PAK5: variants seen among roughly 807,000 people sequenced by gnomAD.
PAK5 encodes serine/threonine-protein kinase PAK 5.
A neutral mutation model predicts 65.9 loss-of-function variants in PAK5; 16 were observed. The observed-to-expected ratio is 0.24, with a 90% CI of 0.16 to 0.37. The LOEUF (loss-of-function observed/expected upper bound fraction) is 0.37. Among genes scored for constraint, PAK5 ranks in the 10% least tolerant of loss-of-function variants. The pLI, the probability that PAK5 is intolerant of heterozygous loss-of-function variation, is 1.00. For synonymous variants in PAK5, 371 were observed against 354.9 expected (o/e 1.05, Z -0.51); for missense variants, 785 against 903.9 (o/e 0.87, Z 1.69).
chr20:9,664,276 C>T (rs1030237252), intron 2 of PAK5, among the ~76,000 whole-genome samples: 20 of 152,152 alleles, frequency 1.3e-4, no homozygotes, highest in African/African-American at 4.6e-4. Context: ...CTCAGCATTT[C>T]CTTTTCTCCC....
intron 3 of PAK5, among the ~76,000 whole-genome samples, chr20:9,589,830 C>G (rs1340662878): frequency 1.3e-5 from 2 of 152,034 alleles, no homozygotes; most frequent in African/African-American, 2.4e-5. Flanking sequence ...ACCACCATGA[C>G]CAGTTAGTTT....
chr20:9,755,967 T>C (rs2048629023), intron 1 of PAK5, among the ~76,000 whole-genome samples: 1 of 152,210 alleles, frequency 6.6e-6, no homozygotes, highest in Non-Finnish European at 1.5e-5. Context: ...ACTGTCTGCC[T>C]TCCCCATCAC....
intron 3 of PAK5, among the ~76,000 whole-genome samples, chr20:9,634,429 G>A (rs1375228026): frequency 2.0e-5 from 3 of 152,318 alleles, no homozygotes; most frequent in African/African-American, 7.2e-5. Context: ...GGCCATGTGA[G>A]CTTAAGTTTG....
chr20:9,603,095 C>A (rs956418293), intron 3 of PAK5, among the ~76,000 whole-genome samples: 2 of 152,186 alleles, frequency 1.3e-5, no homozygotes, highest in Admixed American at 6.5e-5. Flanking sequence ...TCACAAAGTG[C>A]AGCAAGCTGG....
At chr20:9,813,026 C>A (rs1261340769) in intron 1 of PAK5, among the ~76,000 whole-genome samples, 2 of 151,974 alleles carry the variant, frequency 1.3e-5, no homozygotes, top group Non-Finnish European at 2.9e-5. Context: ...TATAGTATAA[C>A]CATACAATGG....
chr20:9,699,734 T>C (rs2047915638), intron 2 of PAK5, among the ~76,000 whole-genome samples: 1 of 151,928 alleles, frequency 6.6e-6, no homozygotes, highest in East Asian at 1.9e-4. Flanking sequence ...AGTGGGAACC[T>C]GGAGGACTTG....
intron 4 of PAK5, among the ~76,000 whole-genome samples, chr20:9,576,371 T>A (rs1433094550): frequency 6.6e-6 from 1 of 152,176 alleles, no homozygotes; most frequent in African/African-American, 2.4e-5. Context: ...TTTGCCCTCT[T>A]CTGCCTGCAG....
chr20:9,717,839 C>CA (rs1209708203), intron 1 of PAK5, among the ~76,000 whole-genome samples: 2 of 152,162 alleles, frequency 1.3e-5, no homozygotes, highest in Non-Finnish European at 2.9e-5. Context: ...AGGCTGGTCT[C>CA]AAACTCCTGA....
intron 3 of PAK5, among the ~76,000 whole-genome samples, chr20:9,589,938 C>T (rs1185532663): frequency 2.6e-5 from 4 of 152,096 alleles, no homozygotes; most frequent in Admixed American, 2.6e-4. Flanking sequence ...TCTTTCTATT[C>T]TAAGACTTAA....
intron 1 of PAK5, among the ~76,000 whole-genome samples, chr20:9,834,576 C>A (rs973677895): frequency 4.6e-5 from 7 of 151,866 alleles, no homozygotes; most frequent in African/African-American, 7.3e-5. Context: ...GTGCAGATAC[C>A]TTTTTCCCCA....
chr20:9,752,469 G>C (rs920205274), intron 1 of PAK5, among the ~76,000 whole-genome samples: 11 of 152,108 alleles, frequency 7.2e-5, no homozygotes, highest in African/African-American at 2.7e-4. Flanking sequence ...GAGTTACTGT[G>C]GTCTACCAGG....
intron 6 of PAK5, among the ~76,000 whole-genome samples, chr20:9,559,712 G>A (rs1258594811): frequency 6.6e-6 from 1 of 152,076 alleles, no homozygotes; most frequent in Non-Finnish European, 1.5e-5. Context: ...GCAGTGAGCG[G>A]AGATAGCGCC....
chr20:9,722,744 AT>A (rs557141137), intron 1 of PAK5, among the ~76,000 whole-genome samples: 3,843 of 144,744 alleles, frequency 0.027, 139 homozygotes, highest in African/African-American at 0.083. Context: ...CCAATGGAAG[AT>A]TTTTTTTTTT....
At chr20:9,772,751 C>T (rs977883225) in intron 1 of PAK5, among the ~76,000 whole-genome samples, 1 of 152,188 alleles carries the variant, frequency 6.6e-6, no homozygotes, top group Non-Finnish European at 1.5e-5. Context: ...ATGCATATCC[C>T]CTGGGTCCTC....
At chr20:9,641,802 T>TCAGTACACCCTCC (rs1315521108) in intron 3 of PAK5, among the ~76,000 whole-genome samples, 1 of 152,082 alleles carries the variant, frequency 6.6e-6, no homozygotes, top group Non-Finnish European at 1.5e-5. Flanking sequence ...GCTGGGGGAC[T>TCAGTACACCCTCC]CAGTACACCC....
At position 9,703,916 on chromosome 20, in the gene PAK5, C is replaced by T. The variant is rs184372739; in HGVS notation, c.-12+7370G>A. 2.8e-4 allele frequency among the ~76,000 whole-genome samples: 43 copies of T among 152,280 alleles called. No homozygotes were observed. The East Asian group carries it at 6.4e-3, about 23-fold the overall frequency. On this transcript the variant is annotated intron_variant, in intron 2 of 9. Coordinates refer to ENST00000353224, the MANE Select transcript of PAK5 (RefSeq NM_177990.4). ...GCAGTGGCAGAGAAAGATCTTAAGA[C>T]ATGCAAGAATTATCTCATAAGGCAC... is the stretch of plus-strand genomic sequence containing the variant.
In PAK5 at chr20:9,675,474, C is replaced by T. The variant is rs538151722; in HGVS notation, c.-11-31135G>A. On this transcript the variant is annotated intron_variant, in intron 2 of 9. Coordinates refer to ENST00000353224, the MANE Select transcript of PAK5 (RefSeq NM_177990.4). ...CATTTGAATAAATGAATGGATAAAACTTAACAGGTTAATAATTAATTTTAT... is the reference window on the plus strand; with the variant it reads ...CATTTGAATAAATGAATGGATAAAATTTAACAGGTTAATAATTAATTTTAT... Among the ~76,000 whole-genome samples the T allele has an allele frequency of 3.3e-5, 5 of 152,162 alleles. No individual in the cohort carries two copies. The East Asian group carries it at 9.6e-4, about 29-fold the overall frequency.
intron 1 of PAK5, among the ~76,000 whole-genome samples, chr20:9,777,175 C>T (rs750001987): frequency 5.3e-5 from 8 of 152,054 alleles, no homozygotes; most frequent in Admixed American, 6.6e-5. Flanking sequence ...ACATTTCACT[C>T]GAGATATAAA....
At chr20:9,698,333 G>C (rs2047895959) in intron 2 of PAK5, among the ~76,000 whole-genome samples, 1 of 152,056 alleles carries the variant, frequency 6.6e-6, no homozygotes, top group Admixed American at 6.6e-5. Context: ...ACAACTCCAT[G>C]GAGTTATACT....
Sources: allele counts gnomAD v4.1 joint callset (sites outside exome capture counted in the v4.1 genomes callset), GRCh38; gene constraint gnomAD v4.1.1; transcripts MANE v1.5; gene names NCBI Gene and HGNC (gene_info 2026-07-23, HGNC 2026-07-21).